PCDHA8: variants seen among roughly 807,000 people sequenced by gnomAD.
PCDHA8 encodes the protein protocadherin alpha-8.
In PCDHA8, 53 loss-of-function variants were observed where a neutral mutation model predicts 61.8. That is an observed-to-expected ratio of 0.86 (90% CI 0.69 to 1.08). The LOEUF (loss-of-function observed/expected upper bound fraction) is 1.08. PCDHA8 is among the 50% of genes least tolerant of loss of function. PCDHA8 has a pLI of 0.00. For synonymous variants in PCDHA8, 618 were observed against 556.6 expected, an observed-to-expected ratio of 1.11 and a Z score of -1.55; for missense variants, 1,293 against 1,245.0, an observed-to-expected ratio of 1.04 and a Z score of -0.58.
chr5:140,906,377 A>G (rs1322510294), intron 1 of PCDHA8, among the ~76,000 whole-genome samples: 3 of 152,264 alleles, frequency 2.0e-5, no homozygotes, highest in Admixed American at 6.5e-5. Flanking sequence ...ATGCTATTAC[A>G]TAAAGTTAAC....
chr5:140,850,863 T>C lies in PCDHA8; in HGVS notation c.2394+7148T>C, dbSNP rs2150500955. 38 of 1,592,804 alleles carry C rather than the reference T, an allele frequency of 2.4e-5. 2 individuals are homozygous for C. Among genetic ancestry groups the C allele is most frequent in the Non-Finnish European group, 3.2e-5 (37 of 1,163,928 alleles). On this transcript the variant is annotated intron_variant, in intron 1 of 3. Transcript: ENST00000531613. ...ATCTACAGAGCGAACGGGAGAACCC[T>C]CTGCTTCCTCAGATTCAACTGGGAA...
intron 3 of PCDHA8, among the ~76,000 whole-genome samples, chr5:141,000,387 CTCTCTCTCTATATA>C (rs1446529556): frequency 4.5e-4 from 30 of 66,870 alleles, no homozygotes; most frequent in African/African-American, 1.4e-3. Flanking sequence ...CTCTCTCTCT[CTCTCTCTCTATATA>C]TATATATATA....
rs563116049 is a variant in PCDHA8, at chr5:140,869,756, G to A, written c.2394+26041G>A. ...TTGCTGCTAACAGCTACAGACGGGGGAAAACCAGAGCTTACTGGCACCGTT... is the reference window on the plus strand; with the variant it reads ...TTGCTGCTAACAGCTACAGACGGGGAAAAACCAGAGCTTACTGGCACCGTT... On this transcript the variant is annotated intron_variant, in intron 1 of 3. Coordinates refer to ENST00000531613, the MANE Select transcript of PCDHA8 (RefSeq NM_018911.3). The A allele has an allele frequency of 3.2e-5, 51 of 1,613,194 alleles. No individual in the cohort carries two copies. Among genetic ancestry groups the A allele is most frequent in the Non-Finnish European group, 4.0e-5 (47 of 1,179,718 alleles).
rs781807025 is a variant in PCDHA8, at chr5:140,872,165, CTT to C, written c.2394+28461_2394+28462del. Among the ~76,000 whole-genome samples the C allele has an allele frequency of 5.6e-3, 809 of 144,322 alleles. 4 individuals are homozygous for C. Among genetic ancestry groups the C allele is most frequent in the Middle Eastern group, 0.014 (4 of 276 alleles). 94.7% of individuals were successfully genotyped at this position (144,322 alleles called of 152,430 possible). On this transcript the variant is annotated intron_variant, in intron 1 of 3. Transcript: ENST00000531613. The stretch of plus-strand genomic sequence containing the variant: ...CATTAGTATGACATGATTTACTTTT[CTT>C]TTTTTTTTTTACAGTGTTAAACGTT...
At chr5:140,993,310 A>G (rs1013688133) in intron 3 of PCDHA8, among the ~76,000 whole-genome samples, 2 of 152,038 alleles carry the variant, frequency 1.3e-5, no homozygotes, top group African/African-American at 4.8e-5. Context: ...CTCCAGGATA[A>G]TACCTTCTAA....
chr5:140,952,301 T>G (rs246036), intron 1 of PCDHA8, among the ~76,000 whole-genome samples: 84,430 of 149,404 alleles, frequency 0.57, 24,448 homozygotes, highest in African/African-American at 0.7. Flanking sequence ...CACAGCCATT[T>G]CACTCCAGCC....
intron 1 of PCDHA8, chr5:140,884,562 A>C (rs782650365): frequency 6.2e-7 from 1 of 1,614,166 alleles, no homozygotes; most frequent in Non-Finnish European, 8.5e-7. Flanking sequence ...GAGGGCCCGC[A>C]TAAGACGGAC....
At chr5:140,857,833 A>C (rs1554150723) in intron 1 of PCDHA8, 1 of 1,597,676 alleles carries the variant, frequency 6.3e-7, no homozygotes. Context: ...AGGTGCGCGC[A>C]GTGGACGCTG....
At chr5:141,001,971 G>C (rs1240624295) in intron 3 of PCDHA8, among the ~76,000 whole-genome samples, 2 of 152,186 alleles carry the variant, frequency 1.3e-5, no homozygotes, top group Admixed American at 1.3e-4. Flanking sequence ...GGGTGTCTCT[G>C]CGCGGAAAGC....
chr5:140,877,389 G>T, intron 1 of PCDHA8: 1 of 1,613,994 alleles, frequency 6.2e-7, no homozygotes, highest in Non-Finnish European at 8.5e-7. Context: ...TCCTGGATGA[G>T]GCGGACGCTC....
At chr5:140,961,479 C>G (rs2095615905) in intron 1 of PCDHA8, among the ~76,000 whole-genome samples, 1 of 152,108 alleles carries the variant, frequency 6.6e-6, no homozygotes, top group Non-Finnish European at 1.5e-5. Context: ...TTTGTCTTGT[C>G]CACGTGAGTA....
intron 1 of PCDHA8, chr5:140,852,575 CTTT>C (rs1395261617): frequency 1.3e-6 from 1 of 799,030 alleles, no homozygotes. Context: ...TGTGCCAAGG[CTTT>C]TTTATTTTTT....
At chr5:140,852,971 C>G (rs2150526229) in intron 1 of PCDHA8, 1 of 376,366 alleles carries the variant, frequency 2.7e-6, no homozygotes, top group African/African-American at 2.2e-5. Flanking sequence ...CTCCCCCTCC[C>G]GTGTTCACGC....
chr5:140,849,752 C>T, intron 1 of PCDHA8: 1 of 1,598,394 alleles, frequency 6.3e-7, no homozygotes. Flanking sequence ...AGAGTGTGTC[C>T]GCCTACGAGC....
Position 140,851,214 on chromosome 5 carries a change from A to G in PCDHA8, c.2394+7499A>G. ...AGTTGTTAGTCATTCATTAAACATT[A>G]ACATCACTATCATTTATTTATTGCT... On this transcript the variant is annotated intron_variant, in intron 1 of 3. Coordinates refer to ENST00000531613, the MANE Select transcript of PCDHA8 (RefSeq NM_018911.3). The G allele has an allele frequency of 6.9e-6, 8 of 1,159,680 alleles. 1 individual carries two copies. The highest frequency in any genetic ancestry group is 7.7e-6 in the Non-Finnish European group (7 of 905,618). 71.8% of individuals were successfully genotyped at this position (1,159,680 alleles called of 1,614,324 possible).
At chr5:140,975,784 A>G (rs1216156931) in intron 1 of PCDHA8, among the ~76,000 whole-genome samples, 1 of 151,914 alleles carries the variant, frequency 6.6e-6, no homozygotes, top group Non-Finnish European at 1.5e-5. Flanking sequence ...CCATTACAAG[A>G]TAAATTAAAT....
chr5:141,000,314 A>T (rs2097900305), intron 3 of PCDHA8, among the ~76,000 whole-genome samples: 1 of 145,492 alleles, frequency 6.9e-6, no homozygotes, highest in East Asian at 2.0e-4. Context: ...GTTCAAGACC[A>T]GCTTGGGCAA....
At chr5:140,879,512 G>C (rs1378276808) in intron 1 of PCDHA8, among the ~76,000 whole-genome samples, 1 of 152,156 alleles carries the variant, frequency 6.6e-6, no homozygotes, top group Non-Finnish European at 1.5e-5. Flanking sequence ...AGAGATTATT[G>C]ATATAGATTT....
chr5:140,850,081 A>G, intron 1 of PCDHA8: 1 of 1,596,386 alleles, frequency 6.3e-7, no homozygotes, highest in South Asian at 1.1e-5. Context: ...GAGGAGCTGG[A>G]GCTGCTACAG....
Sources: gnomAD v4.1 joint callset for allele counts (sites outside exome capture counted in the v4.1 genomes callset) on GRCh38, gnomAD v4.1.1 for gene constraint, MANE v1.5 for transcripts, NCBI Gene and HGNC (gene_info 2026-07-23, HGNC 2026-07-21) for gene names.